Variants in TBC1D5 observed in about 807,000 individuals in gnomAD.
The protein encoded by TBC1D5 is TBC1 domain family, member 5.
A neutral mutation model predicts 100.3 loss-of-function variants in TBC1D5; 75 were observed. That is an observed-to-expected ratio of 0.75 (90% confidence interval 0.62 to 0.91). The LOEUF (loss-of-function observed/expected upper bound fraction) is 0.91. Among genes scored for constraint, TBC1D5 ranks in the 40% least tolerant of loss-of-function variants. TBC1D5 has a pLI of 0.00. For synonymous variants in TBC1D5, 323 were observed against 325.6 expected, an observed-to-expected ratio of 0.99 and a Z score of 0.09; for missense variants, 910 against 942.4, an observed-to-expected ratio of 0.97 and a Z score of 0.45.
Position 17,183,093 on chromosome 3 carries a change from C to A in TBC1D5, c.1852+2016G>T, listed in dbSNP as rs191663248. Among the ~76,000 whole-genome samples, 11 of 152,264 alleles carry A rather than the reference C, an allele frequency of 7.2e-5. No individual in the cohort carries two copies. The East Asian group carries it at 2.1e-3, about 29-fold the overall frequency. On this transcript the variant is annotated intron_variant, in intron 19 of 21. Transcript: ENST00000253692. ...CAGTCACTTTGCAACCTCCAGTATG[C>A]CTGAGATGAAACTCTCCCCCCAACT... is the stretch of plus-strand genomic sequence containing the variant.
intron 3 of TBC1D5, among the ~76,000 whole-genome samples, chr3:17,490,598 T>G (rs1449241359): frequency 6.6e-6 from 1 of 151,772 alleles, no homozygotes; most frequent in African/African-American, 2.4e-5. Flanking sequence ...TCCTTTCCCC[T>G]TGTTTTTTTC....
chr3:17,632,258 G>C (rs957740975), intron 1 of TBC1D5, among the ~76,000 whole-genome samples: 1 of 152,206 alleles, frequency 6.6e-6, no homozygotes, highest in Non-Finnish European at 1.5e-5. Context: ...ACAAGAATTA[G>C]AAGTGGAACC....
chr3:17,409,558 C>G (rs911297890), intron 4 of TBC1D5, among the ~76,000 whole-genome samples: 1 of 151,910 alleles, frequency 6.6e-6, no homozygotes, highest in South Asian at 2.1e-4. Context: ...TGGTCTCTTG[C>G]GCTAAACAGG....
chr3:17,656,984 G>T (rs1467371765), intron 1 of TBC1D5, among the ~76,000 whole-genome samples: 1 of 152,064 alleles, frequency 6.6e-6, no homozygotes, highest in Non-Finnish European at 1.5e-5. Flanking sequence ...AATTTAATAG[G>T]TTCCAGGTCT....
intron 1 of TBC1D5, among the ~76,000 whole-genome samples, chr3:17,696,353 C>T (rs1365964903): frequency 1.3e-5 from 2 of 151,934 alleles, no homozygotes; most frequent in Non-Finnish European, 2.9e-5. Context: ...AGACTGCTAG[C>T]AAGACTAATA....
intron 13 of TBC1D5, among the ~76,000 whole-genome samples, chr3:17,349,947 G>C (rs1454550265): frequency 3.9e-5 from 6 of 152,140 alleles, no homozygotes; most frequent in Admixed American, 1.3e-4. Flanking sequence ...GTTCATTTTA[G>C]ATATGTAAAG....
At chr3:17,628,899 G>C (rs1301492453) in intron 1 of TBC1D5, among the ~76,000 whole-genome samples, 2 of 152,208 alleles carry the variant, frequency 1.3e-5, no homozygotes, top group East Asian at 3.8e-4. Context: ...AGTGAACTCA[G>C]TGATAATAAA....
intron 16 of TBC1D5, among the ~76,000 whole-genome samples, chr3:17,251,629 C>A (rs2077193103): frequency 6.6e-6 from 1 of 152,164 alleles, no homozygotes; most frequent in Non-Finnish European, 1.5e-5. Context: ...AGCCTGATTT[C>A]TCTTCTCTGC....
intron 18 of TBC1D5, among the ~76,000 whole-genome samples, chr3:17,188,729 A>G (rs1298811525): frequency 6.6e-6 from 1 of 152,228 alleles, no homozygotes; most frequent in Non-Finnish European, 1.5e-5. Flanking sequence ...AACTGTGGGA[A>G]CTGACTTTAC....
intron 3 of TBC1D5, among the ~76,000 whole-genome samples, chr3:17,476,709 T>C (rs1055721206): frequency 5.9e-5 from 9 of 151,940 alleles, no homozygotes; most frequent in African/African-American, 2.2e-4. Flanking sequence ...TCTGTGACAA[T>C]AAGTCTTCTC....
At chr3:17,268,440 AT>A (rs1378890590) in intron 15 of TBC1D5, among the ~76,000 whole-genome samples, 12 of 151,840 alleles carry the variant, frequency 7.9e-5, no homozygotes, top group African/African-American at 2.9e-4. Context: ...AATAAAGTAT[AT>A]CGGGTAATAA....
At chr3:17,483,266 G>A (rs918973560) in intron 3 of TBC1D5, among the ~76,000 whole-genome samples, 1 of 152,062 alleles carries the variant, frequency 6.6e-6, no homozygotes, top group African/African-American at 2.4e-5. Flanking sequence ...TCTATGGAAT[G>A]CCATTAAAAA....
intron 3 of TBC1D5, among the ~76,000 whole-genome samples, chr3:17,440,106 T>C (rs566703282): frequency 7.2e-5 from 11 of 152,246 alleles, no homozygotes; most frequent in African/African-American, 2.6e-4. Context: ...ATACTTCAGT[T>C]TGATGAATGT....
rs559942121 is a variant in TBC1D5, at chr3:17,356,321, C to T, written c.995+15754G>A. The stretch of plus-strand genomic sequence containing the variant: ...AACCATCTATTTTGCAAACTCCTTT[C>T]GATAGAGAATCTTTCAGGCTTGCTG... On this transcript the variant is annotated intron_variant, in intron 13 of 21. Transcript: ENST00000253692. 3.9e-5 allele frequency among the ~76,000 whole-genome samples: 6 copies of T among 152,220 alleles called. No individual in the cohort carries two copies. In the South Asian group the frequency reaches 1.2e-3, roughly 32 times the overall value.
chr3:17,293,867 T>C (rs1420717362), intron 14 of TBC1D5, among the ~76,000 whole-genome samples: 2 of 152,262 alleles, frequency 1.3e-5, no homozygotes, highest in Non-Finnish European at 2.9e-5. Context: ...TTACCTACAT[T>C]ATCTCAATTA....
intron 13 of TBC1D5, among the ~76,000 whole-genome samples, chr3:17,345,877 C>T (rs2089788459): frequency 6.6e-6 from 1 of 151,496 alleles, no homozygotes; most frequent in Non-Finnish European, 1.5e-5. Context: ...AATGAGAACA[C>T]ATGGACACAG....
intron 1 of TBC1D5, among the ~76,000 whole-genome samples, chr3:17,718,453 C>A (rs1577759270): frequency 6.6e-6 from 1 of 152,004 alleles, no homozygotes; most frequent in East Asian, 1.9e-4. Context: ...AAAAAATTAG[C>A]AGGCATGGTG....
chr3:17,706,869 TA>T (rs1267188016), intron 1 of TBC1D5, among the ~76,000 whole-genome samples: 6 of 150,954 alleles, frequency 4.0e-5, no homozygotes, highest in East Asian at 3.8e-4. Flanking sequence ...CTTTTTTTTT[TA>T]AAAAAAGTCA....
chr3:17,741,948 A>C (rs570042734), upstream of TBC1D5, among the ~76,000 whole-genome samples: 90 of 151,432 alleles, frequency 5.9e-4, no homozygotes, highest in Admixed American at 1.3e-3. Context: ...TCTAAAGACT[A>C]TTAAGGTTTG....
Sources: allele counts gnomAD v4.1 joint callset (sites outside exome capture counted in the v4.1 genomes callset), GRCh38; gene constraint gnomAD v4.1.1; transcripts MANE v1.5; gene names NCBI Gene and HGNC (gene_info 2026-07-23, HGNC 2026-07-21).